Variants in ZC2HC1B observed in about 807,000 individuals in gnomAD.
ZC2HC1B encodes zinc finger C2HC domain-containing protein 1B.
A neutral mutation model predicts 31.0 loss-of-function variants in ZC2HC1B; 36 were observed. The ratio of observed to expected loss-of-function variants is 1.16; its 90% CI spans 0.89 to 1.54. ZC2HC1B has a LOEUF of 1.54. Among genes scored for constraint, ZC2HC1B ranks in the 40% most tolerant of loss-of-function variants. The probability of loss-of-function intolerance (pLI) is 0.00; values close to 1 mark genes in which losing one functional copy is unlikely to be tolerated. For missense variants in ZC2HC1B, 260 were observed against 268.6 expected, an observed-to-expected ratio of 0.97 and a Z score of 0.22; for synonymous variants, 73 against 88.0, an observed-to-expected ratio of 0.83 and a Z score of 0.95.
At position 143,870,556 on chromosome 6, in the gene ZC2HC1B, T is replaced by G. The variant is rs1454246968; in HGVS notation, c.28+5989T>G. Among the ~76,000 whole-genome samples the G allele has an allele frequency of 6.6e-6, 1 of 152,190 alleles. No individual in the cohort carries two copies. On this transcript the variant is annotated intron_variant, in intron 1 of 7. Transcript: ENST00000237275. This position sits in a 1 kb window ranked among gnomAD's most constrained non-coding sequence, Gnocchi z 4.7. ...ACTTCCATTTGATGATGGATGCTGC[T>G]GTGCATGACCCACTTTATGGCTAGA...
In ZC2HC1B at chr6:143,903,523, A is replaced by G. The variant is rs766556956; in HGVS notation, c.598+371A>G. 1.3e-5 allele frequency among the ~76,000 whole-genome samples: 2 copies of G among 152,226 alleles called. No homozygotes were observed. Among genetic ancestry groups the G allele is most frequent in the African/African-American group, 2.4e-5 (1 of 41,460 alleles). Reference sequence around the variant, plus strand: ...AAATACAGATCCTCCTCAATTTATGATGGGGCTATGTCCTGATAAGCCCAT... The same window carrying G: ...AAATACAGATCCTCCTCAATTTATGGTGGGGCTATGTCCTGATAAGCCCAT... On this transcript the variant is annotated intron_variant, in intron 6 of 7. Coordinates refer to ENST00000237275, the MANE Select transcript of ZC2HC1B (RefSeq NM_001013623.3). This position sits in a 1 kb window ranked among gnomAD's most constrained non-coding sequence, Gnocchi z 4.3.
rs1231785167 is a variant in ZC2HC1B at position 143,921,906 on chromosome 6, C to G, written c.599-15743C>G. ...GAGCTATGATCGTGCCACTGCACAC[C>G]AGTCTGGGTGACAAAGTAAGTCCTT... On this transcript the variant is annotated intron_variant, in intron 6 of 7. Coordinates refer to ENST00000237275, the MANE Select transcript of ZC2HC1B (RefSeq NM_001013623.3). This position sits in a 1 kb window ranked among gnomAD's most constrained non-coding sequence, Gnocchi z 6.1. Among the ~76,000 whole-genome samples the G allele has an allele frequency of 6.6e-6, 1 of 152,138 alleles. No individual in the cohort carries two copies. Among genetic ancestry groups the G allele is most frequent in the Non-Finnish European group, 1.5e-5 (1 of 68,028 alleles).
chr6:143,881,018 A>G (rs1270892480), intron 1 of ZC2HC1B, among the ~76,000 whole-genome samples: 2 of 152,206 alleles, frequency 1.3e-5, no homozygotes, highest in African/African-American at 4.8e-5. Context: ...CAGTGAAGAT[A>G]CACAACTATT....
intron 6 of ZC2HC1B, among the ~76,000 whole-genome samples, chr6:143,928,824 G>GT (rs59359194): frequency 0.02 from 2,844 of 142,224 alleles, 71 homozygotes; most frequent in East Asian, 0.054. Context: ...TATTCCTAGG[G>GT]TTTTTTTTTT....
intron 1 of ZC2HC1B, among the ~76,000 whole-genome samples, chr6:143,866,362 A>G (rs1777261837): frequency 6.6e-6 from 1 of 152,270 alleles, no homozygotes; most frequent in South Asian, 2.1e-4. Flanking sequence ...ATCTGGCAAT[A>G]CAGCACGCTG....
chr6:143,887,037 G>T lies in ZC2HC1B; in HGVS notation c.349+216G>T, dbSNP rs989465877. Among the ~76,000 whole-genome samples, 1 of 152,078 alleles carries T rather than the reference G, an allele frequency of 6.6e-6. No individual in the cohort carries two copies. Among genetic ancestry groups the T allele is most frequent in the African/African-American group, 2.4e-5 (1 of 41,392 alleles). On this transcript the variant is annotated intron_variant, in intron 4 of 7. Transcript: ENST00000237275. This position sits in a 1 kb window ranked among gnomAD's most constrained non-coding sequence, Gnocchi z 5.1. ...GTGGGAACACCACTGTAGCTGTGCTGTAGTATTACATGACTCCAAGAAACA... is the reference window on the plus strand; with the variant it reads ...GTGGGAACACCACTGTAGCTGTGCTTTAGTATTACATGACTCCAAGAAACA...
intron 5 of ZC2HC1B, among the ~76,000 whole-genome samples, chr6:143,901,451 G>A (rs1297522294): frequency 2.0e-5 from 3 of 146,732 alleles, no homozygotes; most frequent in Admixed American, 6.8e-5. Flanking sequence ...GTAGAGACGA[G>A]GTTTCACCAT....
At chr6:143,893,590 C>T (rs1055887150) in intron 4 of ZC2HC1B, among the ~76,000 whole-genome samples, 4 of 152,084 alleles carry the variant, frequency 2.6e-5, no homozygotes, top group South Asian at 4.2e-4. Context: ...AAAAGACTGA[C>T]GCTATGAGTG....
In ZC2HC1B at chr6:143,915,700, G is replaced by T. The variant is rs182372808; in HGVS notation, c.598+12548G>T. ...CTGGATCAAAGGTTCCTCTTGTTAT[G>T]TTTTAGCAAAGAGACTGGTGGCATT... On this transcript the variant is annotated intron_variant, in intron 6 of 7. Transcript: ENST00000237275. The surrounding 1 kb of genome is among the most constrained non-coding windows in gnomAD (Gnocchi z 5.2). Among the ~76,000 whole-genome samples the T allele has an allele frequency of 6.6e-6, 1 of 152,212 alleles. No homozygotes were observed. The highest frequency in any genetic ancestry group is 1.9e-4 in the East Asian group (1 of 5,200).
intron 4 of ZC2HC1B, among the ~76,000 whole-genome samples, chr6:143,888,947 A>G (rs1439688977): frequency 1.3e-5 from 2 of 152,060 alleles, no homozygotes; most frequent in Non-Finnish European, 2.9e-5. Context: ...GAGTGGCAAA[A>G]GTAGACATCC....
Position 143,870,612 on chromosome 6 carries a change from C to T in ZC2HC1B, c.28+6045C>T, listed in dbSNP as rs951592530. ...CAGAAAGCACTCAGTTCATGATAGG[C>T]AGGTCAGGTTGCATGGTGACTTGAT... On this transcript the variant is annotated intron_variant, in intron 1 of 7. Transcript: ENST00000237275. The surrounding 1 kb of genome is among the most constrained non-coding windows in gnomAD (Gnocchi z 4.7). Among the ~76,000 whole-genome samples the T allele has an allele frequency of 6.6e-6, 1 of 152,180 alleles. No individual in the cohort carries two copies. The highest frequency in any genetic ancestry group is 1.5e-5 in the Non-Finnish European group (1 of 68,034).
Position 143,921,777 on chromosome 6 carries a change from T to A in ZC2HC1B, c.599-15872T>A, listed in dbSNP as rs1180229317. Among the ~76,000 whole-genome samples the A allele has an allele frequency of 2.6e-5, 4 of 152,028 alleles. No individual in the cohort carries two copies. Among genetic ancestry groups the A allele is most frequent in the Non-Finnish European group, 5.9e-5 (4 of 67,988 alleles). ...AGACCCTGTCTCTACAAGAAAAATT[T>A]AAAAATTTGCTACATGTGGTGGCAC... On this transcript the variant is annotated intron_variant, in intron 6 of 7. Transcript: ENST00000237275. This position sits in a 1 kb window ranked among gnomAD's most constrained non-coding sequence, Gnocchi z 6.1.
chr6:143,925,536 CTT>C lies in ZC2HC1B; in HGVS notation c.599-12097_599-12096del, dbSNP rs36007959. ...TCTTCCTTATTCATTCTTTTCTTTT[CTT>C]TTTTTTTTTTTTTTTGAGACGGAGT... On this transcript the variant is annotated intron_variant, in intron 6 of 7. Coordinates refer to ENST00000237275, the MANE Select transcript of ZC2HC1B (RefSeq NM_001013623.3). Among the ~76,000 whole-genome samples, 483 of 104,904 alleles carry C rather than the reference CTT, an allele frequency of 4.6e-3. 2 individuals carry two copies. Among genetic ancestry groups the C allele is most frequent in the African/African-American group, 0.012 (324 of 26,350 alleles). 68.8% of individuals were successfully genotyped at this position (104,904 alleles called of 152,430 possible).
intron 6 of ZC2HC1B, among the ~76,000 whole-genome samples, chr6:143,932,036 G>C (rs1778127424): frequency 6.6e-6 from 1 of 151,860 alleles, no homozygotes; most frequent in African/African-American, 2.4e-5. Flanking sequence ...ACCACACCCA[G>C]CTAATTTTTA....
rs1180023951 is a variant in ZC2HC1B, at chr6:143,865,532, TC to T, written c.28+967del. On this transcript the variant is annotated intron_variant, in intron 1 of 7. Transcript: ENST00000237275. This position sits in a 1 kb window ranked among gnomAD's most constrained non-coding sequence, Gnocchi z 4.4. ...GACCCTCCTTCCCTGGTTTATGTTC[TC>T]CACAACATCTGTTGACGCAGAGGAC... 6.6e-6 allele frequency among the ~76,000 whole-genome samples: 1 copy of T among 152,320 alleles called. No individual in the cohort carries two copies. Among genetic ancestry groups the T allele is most frequent in the African/African-American group, 2.4e-5 (1 of 41,562 alleles).
intron 6 of ZC2HC1B, among the ~76,000 whole-genome samples, chr6:143,929,215 T>A (rs1778088643): frequency 6.6e-6 from 1 of 152,228 alleles, no homozygotes; most frequent in Non-Finnish European, 1.5e-5. Flanking sequence ...TGTTATTGGC[T>A]GTGGGTTTGT....
intron 6 of ZC2HC1B, among the ~76,000 whole-genome samples, chr6:143,926,840 T>C (rs1778054995): frequency 7.1e-6 from 1 of 140,862 alleles, no homozygotes. Context: ...TTTTTTTTTT[T>C]TTTTTTTTTT....
chr6:143,909,412 ATAAGT>A (rs1330604563), intron 6 of ZC2HC1B, among the ~76,000 whole-genome samples: 1 of 152,154 alleles, frequency 6.6e-6, no homozygotes, highest in African/African-American at 2.4e-5. Context: ...AGAAAAAAAA[ATAAGT>A]TAGGGAAGAT....
chr6:143,935,227 G>T (rs547651709), intron 6 of ZC2HC1B, among the ~76,000 whole-genome samples: 1 of 152,234 alleles, frequency 6.6e-6, no homozygotes, highest in East Asian at 1.9e-4. Context: ...GTAGGGGTGG[G>T]TAGAAGCTGA....
Sources: allele counts gnomAD v4.1 joint callset (sites outside exome capture counted in the v4.1 genomes callset), GRCh38; gene constraint gnomAD v4.1.1; non-coding constraint Gnocchi (gnomAD v3.1); transcripts MANE v1.5; gene names NCBI Gene and HGNC (gene_info 2026-07-23, HGNC 2026-07-21).